The following REEP3 variants were observed in gnomAD, a reference collection of about 807,000 sequenced individuals.
REEP3 encodes the protein receptor accessory protein 3, also known as receptor expression-enhancing protein 3.
Under a neutral mutation model 41.3 loss-of-function variants are expected in REEP3, and 20 were observed. That is an observed-to-expected ratio of 0.48 (90% confidence interval 0.34 to 0.70). REEP3 has a LOEUF of 0.70. REEP3 is among the 30% of genes least tolerant of loss of function. REEP3 has a pLI of 0.01. For synonymous variants in REEP3, 104 were observed against 101.8 expected, an observed-to-expected ratio of 1.02 and a Z score of -0.13; for missense variants, 271 against 308.8, an observed-to-expected ratio of 0.88 and a Z score of 0.92.
intron 5 of REEP3, among the ~76,000 whole-genome samples, chr10:63,607,817 A>G (rs1956242320): frequency 1.3e-5 from 2 of 152,206 alleles, no homozygotes; most frequent in Admixed American, 1.3e-4. Context: ...TTTGTGAGGT[A>G]TATCCCAAGA....
chr10:63,547,616 A>G (rs182731970), intron 1 of REEP3, among the ~76,000 whole-genome samples: 1 of 152,160 alleles, frequency 6.6e-6, no homozygotes, highest in African/African-American at 2.4e-5. Context: ...CTGGGCCTTT[A>G]TTTGTACCAT....
intron 1 of REEP3, among the ~76,000 whole-genome samples, chr10:63,529,369 T>C (rs180758968): frequency 6.6e-6 from 1 of 152,316 alleles, no homozygotes; most frequent in East Asian, 1.9e-4. Context: ...TGGAGATAGA[T>C]AGGGAAGTAG....
At chr10:63,597,158 A>G (rs1956122751) in intron 3 of REEP3, among the ~76,000 whole-genome samples, 1 of 152,204 alleles carries the variant, frequency 6.6e-6, no homozygotes, top group African/African-American at 2.4e-5. Context: ...TACTGGGCCA[A>G]CGGGGGAGGC....
At chr10:63,568,833 T>A (rs1320488712) in intron 2 of REEP3, among the ~76,000 whole-genome samples, 2 of 140,024 alleles carry the variant, frequency 1.4e-5, no homozygotes, top group African/African-American at 5.3e-5. Flanking sequence ...TTTTTTTTTT[T>A]ATTATTTTTT....
chr10:63,599,576 C>T, intron 5 of REEP3: 1 of 481,864 alleles, frequency 2.1e-6, no homozygotes, highest in Non-Finnish European at 2.7e-6. Context: ...AGTAAATCAC[C>T]TGATGTAAAG....
At position 63,545,680 on chromosome 10, in the gene REEP3, G is replaced by GTTTT. The variant is rs55779021; in HGVS notation, c.33-20636_33-20633dup. On this transcript the variant is annotated intron_variant, in intron 1 of 7. Coordinates refer to ENST00000373758, the MANE Select transcript of REEP3 (RefSeq NM_001001330.3). Reference sequence around the variant, plus strand: ...GAGCCACTGCGCCTGGCCAACTTCTGTTTTTTTTTTTTTTTTTTTTTTTTT... The same window carrying GTTTT: ...GAGCCACTGCGCCTGGCCAACTTCTGTTTTTTTTTTTTTTTTTTTTTTTTTTTTT... 8.3e-3 allele frequency among the ~76,000 whole-genome samples: 461 copies of GTTTT among 55,432 alleles called. 18 individuals are homozygous for GTTTT. The highest frequency in any genetic ancestry group is 0.014 in the East Asian group (24 of 1,776). 36.4% of individuals were successfully genotyped at this position (55,432 alleles called of 152,430 possible).
At chr10:63,616,456 C>T (rs1381079662) in intron 6 of REEP3, among the ~76,000 whole-genome samples, 1 of 152,118 alleles carries the variant, frequency 6.6e-6, no homozygotes, top group Non-Finnish European at 1.5e-5. Flanking sequence ...CTGCCTCATT[C>T]ATAATAGAAT....
intron 2 of REEP3, among the ~76,000 whole-genome samples, chr10:63,582,647 G>A (rs1955965442): frequency 6.6e-6 from 1 of 152,204 alleles, no homozygotes; most frequent in Non-Finnish European, 1.5e-5. Context: ...AGGCTATTGA[G>A]TAGGACTTCC....
At chr10:63,531,974 T>C (rs954137802) in intron 1 of REEP3, among the ~76,000 whole-genome samples, 3 of 152,260 alleles carry the variant, frequency 2.0e-5, no homozygotes, top group Non-Finnish European at 4.4e-5. Context: ...TTTCTAAAAA[T>C]TGATGAAAAA....
intron 2 of REEP3, among the ~76,000 whole-genome samples, chr10:63,586,329 A>C (rs1435343229): frequency 1.3e-5 from 2 of 152,196 alleles, no homozygotes; most frequent in East Asian, 3.8e-4. Flanking sequence ...TGCACTATAT[A>C]AATCAGAATG....
intron 3 of REEP3, among the ~76,000 whole-genome samples, chr10:63,595,926 A>G (rs1202356141): frequency 6.6e-6 from 1 of 152,222 alleles, no homozygotes; most frequent in Non-Finnish European, 1.5e-5. Flanking sequence ...ATTCAGCTGA[A>G]AAAATTAATC....
chr10:63,598,073 T>G lies in REEP3; in HGVS notation c.232T>G (p.Ser78Ala). Residue 78 changes from serine to alanine, a missense_variant, in exon 4 of 8, where the codon TCT (serine) becomes GCT (alanine). Coordinates refer to ENST00000373758, the MANE Select transcript of REEP3 (RefSeq NM_001001330.3). ...LKIAFVIWLL[S>A]PYTKGASLIY... Reference sequence around the variant, plus strand: ...GATTGCTTTTGTCATATGGCTGCTTTCTCCCTATACCAAAGGAGCAAGTTT... The same window carrying G: ...GATTGCTTTTGTCATATGGCTGCTTGCTCCCTATACCAAAGGAGCAAGTTT... The G allele has an allele frequency of 6.2e-7, 1 of 1,607,244 alleles. No individual in the cohort carries two copies. The highest frequency in any genetic ancestry group is 8.5e-7 in the Non-Finnish European group (1 of 1,173,818).
At chr10:63,598,764 A>G (rs1390387653) in intron 4 of REEP3, among the ~76,000 whole-genome samples, 3 of 145,432 alleles carry the variant, frequency 2.1e-5, no homozygotes, top group Non-Finnish European at 3.0e-5. Flanking sequence ...AGCCTGGACA[A>G]GAGAGCGAGA....
Position 63,618,772 on chromosome 10 carries a change from A to G in REEP3, c.566-883A>G, listed in dbSNP as rs557692426. ...AATCAGAAATTCTGGGGTTGTCAGA[A>G]CTTGTATTAACAGGTTCTCAAGGTA... On this transcript the variant is annotated intron_variant, in intron 6 of 7. Coordinates refer to ENST00000373758, the MANE Select transcript of REEP3 (RefSeq NM_001001330.3). Among the ~76,000 whole-genome samples, 176 of 152,328 alleles carry G rather than the reference A, an allele frequency of 1.2e-3. 1 individual carries two copies. The highest frequency in any genetic ancestry group is 2.1e-3 in the Non-Finnish European group (142 of 68,040).
At chr10:63,565,191 CAG>C (rs907365304) in intron 1 of REEP3, among the ~76,000 whole-genome samples, 1 of 152,214 alleles carries the variant, frequency 6.6e-6, no homozygotes, top group Non-Finnish European at 1.5e-5. Context: ...CCCCAGGAGA[CAG>C]AGGCTGCAGT....
At chr10:63,552,862 G>A (rs1257413907) in intron 1 of REEP3, among the ~76,000 whole-genome samples, 1 of 152,168 alleles carries the variant, frequency 6.6e-6, no homozygotes, top group Non-Finnish European at 1.5e-5. Context: ...AGGTGGTAGT[G>A]TAGTTCTTGT....
intron 4 of REEP3, 66 bp from the exon 5 acceptor site, chr10:63,599,104 G>C: frequency 1.4e-6 from 1 of 735,158 alleles, no homozygotes; most frequent in South Asian, 1.7e-5. Context: ...TAGGGAGAAT[G>C]TTCTAGTTTG....
At chr10:63,556,193 G>C (rs1012193559) in intron 1 of REEP3, among the ~76,000 whole-genome samples, 1 of 152,150 alleles carries the variant, frequency 6.6e-6, no homozygotes, top group Non-Finnish European at 1.5e-5. Flanking sequence ...AGAGCTCACT[G>C]CAACCTCCGC....
At chr10:63,524,648 A>G (rs1157909140) in intron 1 of REEP3, among the ~76,000 whole-genome samples, 2 of 151,822 alleles carry the variant, frequency 1.3e-5, no homozygotes, top group African/African-American at 4.8e-5. Context: ...GTTTCACCAT[A>G]TTGGCCAGGC....
Sources: gnomAD v4.1 joint callset for allele counts (sites outside exome capture counted in the v4.1 genomes callset) on GRCh38, gnomAD v4.1.1 for gene constraint, MANE v1.5 for transcripts, NCBI Gene and HGNC (gene_info 2026-07-23, HGNC 2026-07-21) for gene names.